The following UBE2R2 variants were observed in gnomAD, a reference collection of about 807,000 sequenced individuals.
The protein encoded by UBE2R2 is ubiquitin-conjugating enzyme E2 R2.
UBE2R2 carries 1 observed loss-of-function variant against 27.8 expected under a neutral mutation model. The observed-to-expected ratio is 0.04, with a 90% CI of 0.01 to 0.17. UBE2R2 has a LOEUF of 0.17. UBE2R2 is among the 10% of genes least tolerant of loss of function. The probability of loss-of-function intolerance (pLI) is 1.00; values close to 1 mark genes in which losing one functional copy is unlikely to be tolerated. For missense variants in UBE2R2, 100 were observed against 291.0 expected, an observed-to-expected ratio of 0.34 and a Z score of 4.78; for synonymous variants, 106 against 113.3, an observed-to-expected ratio of 0.94 and a Z score of 0.41.
At chr9:33,909,671 G>A (rs10971783) in intron 3 of UBE2R2, among the ~76,000 whole-genome samples, 29,996 of 151,856 alleles carry the variant, frequency 0.2, 3,259 homozygotes, top group South Asian at 0.33. Context: ...TGCCCACCTC[G>A]GCCTCCCAAA....
At chr9:33,891,435 C>T (rs1821985722) in intron 2 of UBE2R2, among the ~76,000 whole-genome samples, 1 of 151,832 alleles carries the variant, frequency 6.6e-6, no homozygotes, top group Non-Finnish European at 1.5e-5. Context: ...CACTTGAGGC[C>T]AGGAGTTCAG....
intron 1 of UBE2R2, among the ~76,000 whole-genome samples, chr9:33,856,686 C>A (rs1002009084): frequency 2.7e-5 from 4 of 150,514 alleles, no homozygotes; most frequent in African/African-American, 9.7e-5. Context: ...CTTGGAAAAT[C>A]TTTTGTTTTT....
At chr9:33,827,995 ATAAAT>A (rs1199026844) in intron 1 of UBE2R2, among the ~76,000 whole-genome samples, 2 of 151,452 alleles carry the variant, frequency 1.3e-5, no homozygotes, top group Admixed American at 6.6e-5. Context: ...TACAAATAAA[ATAAAT>A]TAATAAAATT....
chr9:33,858,828 T>C (rs962180700), intron 1 of UBE2R2, among the ~76,000 whole-genome samples: 4 of 152,114 alleles, frequency 2.6e-5, no homozygotes, highest in African/African-American at 9.7e-5. Flanking sequence ...TGTTTTGTTT[T>C]GTTTTGTTTT....
intron 2 of UBE2R2, among the ~76,000 whole-genome samples, chr9:33,891,055 G>GTTTTTTTTTTT (rs776729663): frequency 7.9e-6 from 1 of 126,124 alleles, no homozygotes; most frequent in Non-Finnish European, 1.8e-5. Flanking sequence ...GTGTTTTTTT[G>GTTTTTTTTTTT]TTTTTTTTTT....
intron 3 of UBE2R2, among the ~76,000 whole-genome samples, chr9:33,908,861 T>G (rs1822421070): frequency 2.6e-5 from 4 of 152,144 alleles, no homozygotes; most frequent in African/African-American, 7.2e-5. Flanking sequence ...TCTGGCACAG[T>G]GGCATGCACC....
At chr9:33,865,754 G>T (rs1382321894) in intron 1 of UBE2R2, among the ~76,000 whole-genome samples, 4 of 151,212 alleles carry the variant, frequency 2.6e-5, no homozygotes, top group African/African-American at 9.7e-5. Flanking sequence ...TCTTTCACAT[G>T]TAGTGTAGTG....
At chr9:33,836,371 A>G (rs1437090753) in intron 1 of UBE2R2, among the ~76,000 whole-genome samples, 1 of 152,190 alleles carries the variant, frequency 6.6e-6, no homozygotes, top group African/African-American at 2.4e-5. Flanking sequence ...CTAATGATGC[A>G]TTTCTCAGAA....
chr9:33,909,943 A>T (rs1376216144), intron 3 of UBE2R2, among the ~76,000 whole-genome samples: 2 of 152,314 alleles, frequency 1.3e-5, no homozygotes, highest in East Asian at 3.9e-4. Context: ...CAAACATCTA[A>T]TTGCCTGGTT....
At chr9:33,883,080 C>T (rs1821766068) in intron 1 of UBE2R2, among the ~76,000 whole-genome samples, 1 of 152,286 alleles carries the variant, frequency 6.6e-6, no homozygotes, top group Admixed American at 6.5e-5. Flanking sequence ...CAGAGCAAGG[C>T]TCCACCTCAA....
chr9:33,842,140 T>C (rs1048215188), intron 1 of UBE2R2, among the ~76,000 whole-genome samples: 3 of 152,138 alleles, frequency 2.0e-5, no homozygotes, highest in African/African-American at 7.2e-5. Flanking sequence ...TGGCTCATAC[T>C]TGTAATCCCA....
chr9:33,854,162 A>G (rs1821041601), intron 1 of UBE2R2, among the ~76,000 whole-genome samples: 2 of 152,132 alleles, frequency 1.3e-5, no homozygotes, highest in Non-Finnish European at 1.5e-5. Context: ...TTTTGATATT[A>G]ATATCTAATT....
intron 1 of UBE2R2, among the ~76,000 whole-genome samples, chr9:33,836,361 C>T (rs1386518496): frequency 6.6e-6 from 1 of 152,160 alleles, no homozygotes; most frequent in Admixed American, 6.5e-5. Flanking sequence ...ATGAAATTGC[C>T]TAATGATGCA....
intron 1 of UBE2R2, among the ~76,000 whole-genome samples, chr9:33,836,139 A>G (rs1010648771): frequency 2.6e-5 from 4 of 152,100 alleles, no homozygotes; most frequent in Non-Finnish European, 4.4e-5. Flanking sequence ...CCCTGTCTCT[A>G]CTAAAAATAT....
chr9:33,909,903 C>T (rs980751565), intron 3 of UBE2R2, among the ~76,000 whole-genome samples: 5 of 152,294 alleles, frequency 3.3e-5, no homozygotes, highest in South Asian at 2.1e-4. Context: ...AGAAATTCTT[C>T]GCCTTTTTAA....
At chr9:33,878,190 G>A (rs1331766191) in intron 1 of UBE2R2, among the ~76,000 whole-genome samples, 1 of 152,150 alleles carries the variant, frequency 6.6e-6, no homozygotes, top group Non-Finnish European at 1.5e-5. Flanking sequence ...AGGAAACTGA[G>A]ATATAAATTA....
At chr9:33,877,946 G>A (rs536564943) in intron 1 of UBE2R2, among the ~76,000 whole-genome samples, 42 of 151,890 alleles carry the variant, frequency 2.8e-4, no homozygotes, top group African/African-American at 1.0e-3. Flanking sequence ...AGTAAGTGAT[G>A]GGGTTTCACC....
At chr9:33,887,537 T>TAATC (rs1422318724) in intron 2 of UBE2R2, among the ~76,000 whole-genome samples, 2 of 152,254 alleles carry the variant, frequency 1.3e-5, no homozygotes, top group Non-Finnish European at 2.9e-5. Context: ...AGCTTTGGGC[T>TAATC]AATCCATAAG....
At chr9:33,823,760 T>C (rs1210071348) in intron 1 of UBE2R2, among the ~76,000 whole-genome samples, 2 of 152,186 alleles carry the variant, frequency 1.3e-5, no homozygotes, top group Admixed American at 6.5e-5. Flanking sequence ...TCAGAGAAAA[T>C]GGGTACACGT....
Sources: gnomAD v4.1 joint callset for allele counts (sites outside exome capture counted in the v4.1 genomes callset) on GRCh38, gnomAD v4.1.1 for gene constraint, MANE v1.5 for transcripts, NCBI Gene and HGNC (gene_info 2026-07-23, HGNC 2026-07-21) for gene names.